SLC10A7: variants seen among roughly 807,000 people sequenced by gnomAD.
SLC10A7 encodes sodium/bile acid cotransporter 7.
In SLC10A7, 29 loss-of-function variants were observed where a neutral mutation model predicts 43.2. The ratio of observed to expected loss-of-function variants is 0.67; its 90% CI spans 0.50 to 0.92. The LOEUF (loss-of-function observed/expected upper bound fraction) is 0.92, where lower values mean the gene tolerates loss of function less well. Among genes scored for constraint, SLC10A7 ranks in the 40% least tolerant of loss-of-function variants. The probability of loss-of-function intolerance (pLI) is 0.00; values close to 1 mark genes in which losing one functional copy is unlikely to be tolerated. For synonymous variants in SLC10A7, 152 were observed against 144.8 expected, an observed-to-expected ratio of 1.05 and a Z score of -0.35; for missense variants, 295 against 403.2, an observed-to-expected ratio of 0.73 and a Z score of 2.30.
At chr4:146,432,901 G>A (rs1309908325) in intron 5 of SLC10A7, among the ~76,000 whole-genome samples, 1 of 151,780 alleles carries the variant, frequency 6.6e-6, no homozygotes, top group Non-Finnish European at 1.5e-5. Flanking sequence ...AGCCGGGCGT[G>A]GTGGTACGCG....
intron 4 of SLC10A7, among the ~76,000 whole-genome samples, chr4:146,496,277 T>C (rs1040162102): frequency 4.6e-5 from 7 of 152,228 alleles, no homozygotes; most frequent in South Asian, 4.2e-4. Context: ...AGGCACTAGA[T>C]TGTCAGGTCT....
In SLC10A7 at chr4:146,283,215, G is replaced by C; in HGVS notation, c.824C>G (p.Ser275Cys). Residue 275 changes from serine to cysteine, a missense_variant, in exon 10 of 12, where the codon TCT becomes TGT. Ser to Cys is a moderately radical substitution (Grantham distance 112). Around this residue, in one of 2 missense-constraint regions of SLC10A7, gnomAD observed 242 missense variants for 362.5 expected, o/e 0.67. Transcript: ENST00000335472. ...PADTVAIIFC[S>C]THKSLTLGIP... is the part of the protein sequence containing the mutation. ...ACCCAATGTAAGGGATTTGTGTGTAGAACAGAAAATGATAGCCACTGTGTC... is the reference window on the plus strand; with the variant it reads ...ACCCAATGTAAGGGATTTGTGTGTACAACAGAAAATGATAGCCACTGTGTC... 1 of 1,613,302 alleles carries C rather than the reference G, an allele frequency of 6.2e-7. No individual in the cohort carries two copies. Among genetic ancestry groups the C allele is most frequent in the South Asian group, 1.1e-5 (1 of 91,000 alleles).
At chr4:146,299,996 T>A (rs372668676) in intron 7 of SLC10A7, among the ~76,000 whole-genome samples, 2 of 151,958 alleles carry the variant, frequency 1.3e-5, no homozygotes, top group Non-Finnish European at 2.9e-5. Flanking sequence ...GTAGGCAGAG[T>A]TGGCTTTAAC....
intron 5 of SLC10A7, chr4:146,441,538 C>G (rs1157527617): frequency 6.0e-6 from 3 of 499,352 alleles, no homozygotes; most frequent in Non-Finnish European, 7.8e-6. Flanking sequence ...AATTGGCTTC[C>G]AGAAAGTTCA....
At chr4:146,343,414 T>G (rs1734404434) in intron 5 of SLC10A7, among the ~76,000 whole-genome samples, 1 of 152,050 alleles carries the variant, frequency 6.6e-6, no homozygotes, top group African/African-American at 2.4e-5. Flanking sequence ...TGTGACCTCT[T>G]AAGTCCAACA....
chr4:146,343,088 T>C (rs1276296975), intron 5 of SLC10A7, among the ~76,000 whole-genome samples: 2 of 152,112 alleles, frequency 1.3e-5, no homozygotes, highest in African/African-American at 4.8e-5. Context: ...ATTATTTTCA[T>C]TTACCTTTAA....
Position 146,420,082 on chromosome 4 carries a change from T to C in SLC10A7, c.435+22701A>G, listed in dbSNP as rs575647977. Among the ~76,000 whole-genome samples the C allele has an allele frequency of 1.7e-4, 26 of 152,258 alleles. No homozygotes were observed. The East Asian group carries it at 3.5e-3, about 20-fold the overall frequency. ...AGGCTGGGACACAGGAAGGATGAGA[T>C]TGGAAGTTAAGAAGAAAACAAAACA... On this transcript the variant is annotated intron_variant, in intron 5 of 11. Coordinates refer to ENST00000335472, the MANE Select transcript of SLC10A7 (RefSeq NM_001029998.6).
At chr4:146,307,966 C>T (rs1731699201) in intron 6 of SLC10A7, among the ~76,000 whole-genome samples, 1 of 152,164 alleles carries the variant, frequency 6.6e-6, no homozygotes, top group South Asian at 2.1e-4. Flanking sequence ...GCATACCAGA[C>T]CACTGGCATA....
chr4:146,444,490 C>T (rs1010016296), intron 4 of SLC10A7, among the ~76,000 whole-genome samples: 1 of 152,116 alleles, frequency 6.6e-6, no homozygotes, highest in African/African-American at 2.4e-5. Flanking sequence ...ATATCATACT[C>T]ATAAACAACT....
rs1194643772 is a variant in SLC10A7, at chr4:146,350,723, C to T, written c.436-24727G>A. Among the ~76,000 whole-genome samples the T allele has an allele frequency of 1.3e-3, 101 of 75,038 alleles. 2 individuals carry two copies. Among genetic ancestry groups the T allele is most frequent in the African/African-American group, 6.4e-3 (64 of 10,010 alleles). 49.2% of individuals were successfully genotyped at this position (75,038 alleles called of 152,430 possible). On this transcript the variant is annotated intron_variant, in intron 5 of 11. Coordinates refer to ENST00000335472, the MANE Select transcript of SLC10A7 (RefSeq NM_001029998.6). Reference sequence around the variant, plus strand: ...CTGCCTCCTCAAGTGGTTCCCTGACCCCTGACCCCCGAGCAGCCTAACTGG... The same window carrying T: ...CTGCCTCCTCAAGTGGTTCCCTGACTCCTGACCCCCGAGCAGCCTAACTGG...
At chr4:146,350,273 A>C (rs576422962) in intron 5 of SLC10A7, among the ~76,000 whole-genome samples, 30 of 151,802 alleles carry the variant, frequency 2.0e-4, no homozygotes, top group African/African-American at 7.2e-4. Context: ...GGGGTGACAG[A>C]CGCACCTGGA....
intron 4 of SLC10A7, among the ~76,000 whole-genome samples, chr4:146,500,600 C>G (rs1477551645): frequency 6.6e-6 from 1 of 152,176 alleles, no homozygotes; most frequent in African/African-American, 2.4e-5. Context: ...CATACACACT[C>G]TCTCTTACAT....
At position 146,396,069 on chromosome 4, in the gene SLC10A7, C is replaced by T. The variant is rs189815619; in HGVS notation, c.435+46714G>A. 4.4e-3 allele frequency among the ~76,000 whole-genome samples: 669 copies of T among 152,218 alleles called. 8 individuals carry two copies. Among genetic ancestry groups the T allele is most frequent in the Admixed American group, 0.038 (585 of 15,284 alleles). ...CCTTCCAATATTAATTATTTCTTCTCTCTGGCTCAGACATATTATATAAAA... is the reference window on the plus strand; with the variant it reads ...CCTTCCAATATTAATTATTTCTTCTTTCTGGCTCAGACATATTATATAAAA... On this transcript the variant is annotated intron_variant, in intron 5 of 11. Transcript: ENST00000335472.
Position 146,367,807 on chromosome 4 carries a change from C to T in SLC10A7, c.436-41811G>A, listed in dbSNP as rs923293647. ...TACCAACCCTACCTTACCAGTATGT[C>T]TAATAAATAAATATTCACAAAGTGA... On this transcript the variant is annotated intron_variant, in intron 5 of 11. Transcript: ENST00000335472. Among the ~76,000 whole-genome samples the T allele has an allele frequency of 2.0e-5, 3 of 152,038 alleles. No individual in the cohort carries two copies. The East Asian group carries it at 5.8e-4, about 29-fold the overall frequency.
chr4:146,400,707 C>CA, intron 5 of SLC10A7, among the ~76,000 whole-genome samples: 1 of 151,860 alleles, frequency 6.6e-6, no homozygotes, highest in East Asian at 1.9e-4. Flanking sequence ...TCCAAGGAAC[C>CA]AAAAAAGTAG....
intron 6 of SLC10A7, among the ~76,000 whole-genome samples, chr4:146,311,613 T>G (rs752098128): frequency 3.3e-5 from 5 of 152,206 alleles, no homozygotes; most frequent in Non-Finnish European, 5.9e-5. Context: ...ATATTTACAG[T>G]TGATACTGTA....
At chr4:146,398,972 A>G (rs1219715146) in intron 5 of SLC10A7, among the ~76,000 whole-genome samples, 3 of 152,250 alleles carry the variant, frequency 2.0e-5, no homozygotes, top group Non-Finnish European at 4.4e-5. Flanking sequence ...GTGGAGATTG[A>G]CAGGCAATGG....
chr4:146,268,338 C>T (rs1034173682), intron 10 of SLC10A7, among the ~76,000 whole-genome samples: 1 of 152,000 alleles, frequency 6.6e-6, no homozygotes, highest in Non-Finnish European at 1.5e-5. Context: ...GGAATCAGGC[C>T]TGGAAAAGGA....
chr4:146,364,487 T>C (rs141060527), intron 5 of SLC10A7, among the ~76,000 whole-genome samples: 40 of 151,832 alleles, frequency 2.6e-4, no homozygotes, highest in Non-Finnish European at 4.6e-4. Flanking sequence ...AGAATATGGA[T>C]AGAAATGGAA....
Sources: gnomAD v4.1 joint callset for allele counts (sites outside exome capture counted in the v4.1 genomes callset) on GRCh38, gnomAD v4.1.1 for gene constraint, gnomAD v4.1.1 regional missense constraint, MANE v1.5 for transcripts, NCBI Gene and HGNC (gene_info 2026-07-23, HGNC 2026-07-21) for gene names.